Variants in INO80 observed in about 807,000 individuals in gnomAD.
INO80 encodes the protein chromatin-remodeling ATPase INO80.
In INO80, 20 loss-of-function variants were observed where a neutral mutation model predicts 203.4. The ratio of observed to expected loss-of-function variants is 0.10; its 90% CI spans 0.07 to 0.14. INO80 has a LOEUF of 0.14. INO80 is among the 10% of genes least tolerant of loss of function. The probability of loss-of-function intolerance (pLI) is 1.00; values close to 1 mark genes in which losing one functional copy is unlikely to be tolerated. For missense variants in INO80, 1,419 were observed against 1,914.4 expected, an observed-to-expected ratio of 0.74 and a Z score of 4.83; for synonymous variants, 726 against 685.2, an observed-to-expected ratio of 1.06 and a Z score of -0.93.
At chr15:40,997,853 C>G (rs2043899927) in intron 28 of INO80, 2 of 379,162 alleles carry the variant, frequency 5.3e-6, no homozygotes, top group Admixed American at 3.8e-5. Flanking sequence ...ATAGGCAACA[C>G]AAGTATAAAC....
chr15:41,095,483 A>G (rs1566947213), intron 4 of INO80, 118 bp downstream of exon 4: 5 of 724,640 alleles, frequency 6.9e-6, no homozygotes, highest in East Asian at 5.0e-5. Context: ...CACATCCAGT[A>G]TAAGAGAATC....
At chr15:41,097,603 G>C (rs2045744882) in intron 1 of INO80, among the ~76,000 whole-genome samples, 1 of 151,182 alleles carries the variant, frequency 6.6e-6, no homozygotes, top group Admixed American at 6.6e-5. Context: ...CTCCCAAGTA[G>C]CTGGGATTAC....
chr15:41,073,302 T>C (rs1211525621), intron 11 of INO80, 126 bp downstream of exon 11: 3 of 799,588 alleles, frequency 3.8e-6, no homozygotes, highest in African/African-American at 1.7e-5. Flanking sequence ...CTCACACACA[T>C]ATACACAAGC....
At chr15:41,041,172 T>C (rs2044660017) in intron 24 of INO80, among the ~76,000 whole-genome samples, 1 of 152,116 alleles carries the variant, frequency 6.6e-6, no homozygotes. Context: ...GCTCAGGCGA[T>C]CCTTCCACCT....
intron 26 of INO80, 80 bp downstream of exon 26, chr15:41,020,820 C>G (rs531668706): frequency 1.2e-6 from 1 of 857,630 alleles, no homozygotes; most frequent in Non-Finnish European, 1.8e-6. Context: ...TTCCAAATAT[C>G]TGAAAGGACC....
chr15:41,069,360 C>T (rs527673586), intron 14 of INO80, among the ~76,000 whole-genome samples: 16 of 151,524 alleles, frequency 1.1e-4, no homozygotes, highest in South Asian at 6.3e-4. Flanking sequence ...TTAGTAGAGA[C>T]GGGGTTTCAC....
chr15:40,986,316 C>CTTTTTTTTTT (rs551165963), intron 31 of INO80, among the ~76,000 whole-genome samples: 3 of 90,674 alleles, frequency 3.3e-5, no homozygotes, highest in Admixed American at 1.6e-4. Context: ...CTCCACAATG[C>CTTTTTTTTTT]TTTTTTTTTT....
rs1169592366 is a variant in INO80 at position 40,980,553 on chromosome 15, C to T, written c.4454-113G>A. 4 of 695,870 alleles carry T rather than the reference C, an allele frequency of 5.7e-6. No individual in the cohort carries two copies. The African/African-American group carries it at 7.2e-5, about 12-fold the overall frequency. The allele number at this position is 695,870 out of a possible 1,614,324, so 43.1% of individuals were successfully genotyped here. Reference sequence around the variant, plus strand: ...CTGGAGGAGAAGTGGTGGGCAATTCCTCCCTGCCACTCCTTGCTAACAACT... The same window carrying T: ...CTGGAGGAGAAGTGGTGGGCAATTCTTCCCTGCCACTCCTTGCTAACAACT... On this transcript the variant is annotated intron_variant, in intron 35 of 35. Transcript: ENST00000648947.
chr15:41,093,811 C>A (rs1402709030), intron 4 of INO80, among the ~76,000 whole-genome samples: 4 of 151,826 alleles, frequency 2.6e-5, no homozygotes, highest in Admixed American at 2.0e-4. Flanking sequence ...TGCCACCGCA[C>A]TCCAGCCAGG....
intron 1 of INO80, among the ~76,000 whole-genome samples, chr15:41,108,025 G>A (rs1443188921): frequency 4.6e-5 from 7 of 151,078 alleles, no homozygotes; most frequent in East Asian, 2.0e-4. Flanking sequence ...GCTTGAACTC[G>A]GGAGGCAGAG....
intron 1 of INO80, among the ~76,000 whole-genome samples, chr15:41,106,521 G>C (rs1219683166): frequency 6.6e-6 from 1 of 151,922 alleles, no homozygotes; most frequent in East Asian, 1.9e-4. Context: ...CCCAGCCCCA[G>C]CTATTTGGGA....
At chr15:41,084,346 G>C (rs2045528716) in intron 7 of INO80, among the ~76,000 whole-genome samples, 1 of 151,974 alleles carries the variant, frequency 6.6e-6, no homozygotes, top group African/African-American at 2.4e-5. Context: ...GATCACCTGG[G>C]GTCAAGAGTT....
intron 27 of INO80, among the ~76,000 whole-genome samples, chr15:41,013,944 C>T (rs2044166979): frequency 6.6e-6 from 1 of 152,238 alleles, no homozygotes; most frequent in African/African-American, 2.4e-5. Context: ...GCAAAACCTA[C>T]CCACTAGGTC....
rs758023881 is a variant in INO80 at position 40,983,798 on chromosome 15, C to T, written c.4201G>A (p.Ala1401Thr). Reference protein sequence around the residue: ...APQSRATNSPASITGSVSDTV... With the variant: ...APQSRATNSPTSITGSVSDTV... ...TCTGAGACGGAGCCTGTTATGGATGCGGGAGAGTTGGTAGCTCGAGACTGA... is the reference window on the plus strand; with the variant it reads ...TCTGAGACGGAGCCTGTTATGGATGTGGGAGAGTTGGTAGCTCGAGACTGA... Residue 1401 changes from alanine to threonine, a missense_variant, in exon 34 of 36, where the codon GCA becomes ACA. By Grantham distance (58) the Ala-to-Thr change is moderately conservative. This residue lies in a region of INO80 where 214 missense variants were observed against 248.9 expected (regional missense o/e 0.86). Transcript: ENST00000648947. 1.5e-5 allele frequency: 24 copies of T among 1,612,390 alleles called. No individual in the cohort carries two copies. The highest frequency in any genetic ancestry group is 3.3e-5 in the Admixed American group (2 of 59,976).
chr15:41,106,383 CAAAAAAAA>C (rs369784846), intron 1 of INO80, among the ~76,000 whole-genome samples: 1 of 83,916 alleles, frequency 1.2e-5, no homozygotes, highest in South Asian at 4.1e-4. Context: ...GACCCTGTCT[CAAAAAAAA>C]AAAAAAAAAA....
chr15:41,114,971 T>C (rs1389641865), intron 1 of INO80, among the ~76,000 whole-genome samples: 2 of 152,160 alleles, frequency 1.3e-5, no homozygotes, highest in Non-Finnish European at 2.9e-5. Context: ...TTAATAAATA[T>C]AGTTTCAGAA....
At chr15:40,996,605 T>G (rs2043884892) in intron 29 of INO80, among the ~76,000 whole-genome samples, 1 of 152,242 alleles carries the variant, frequency 6.6e-6, no homozygotes, top group African/African-American at 2.4e-5. Flanking sequence ...ATTACAGGCA[T>G]GAGCCACCAC....
At chr15:40,985,638 G>A (rs2043721442) in intron 31 of INO80, among the ~76,000 whole-genome samples, 1 of 152,096 alleles carries the variant, frequency 6.6e-6, no homozygotes, top group Non-Finnish European at 1.5e-5. Context: ...GGCTCGGTGT[G>A]GTGACTCACG....
rs1457697354 is a variant in INO80, at chr15:41,070,455, G to C, written c.1686+12C>G. On this transcript the variant is annotated intron_variant, in intron 13 of 35. Transcript: ENST00000648947. ...CTAGAGAAATGAAGATAGAAAGATT[G>C]CATCTACCCACCTCAGCCAGATGGG... The C allele has an allele frequency of 1.9e-6, 3 of 1,605,714 alleles. No individual in the cohort carries two copies. The highest frequency in any genetic ancestry group is 3.3e-5 in the Admixed American group (2 of 59,790).
Sources: allele counts gnomAD v4.1 joint callset (sites outside exome capture counted in the v4.1 genomes callset), GRCh38; gene constraint gnomAD v4.1.1; regional missense constraint gnomAD v4.1.1; transcripts MANE v1.5; gene names NCBI Gene and HGNC (gene_info 2026-07-23, HGNC 2026-07-21).